LAMA2: variants seen among roughly 807,000 people sequenced by gnomAD.
LAMA2 encodes the protein laminin subunit alpha-2.
LAMA2 carries 269 observed loss-of-function variants against 364.8 expected under a neutral mutation model. The ratio of observed to expected loss-of-function variants is 0.74; its 90% CI spans 0.67 to 0.82. The LOEUF is 0.82. Ranked by LOEUF, LAMA2 falls within the 40% of genes least tolerant of loss-of-function variation. The pLI is 0.00. For synonymous variants in LAMA2, 1,379 were observed against 1,370.6 expected (o/e 1.01, Z -0.14); for missense variants, 3,807 against 3,873.2 (o/e 0.98, Z 0.45).
intron 37 of LAMA2, among the ~76,000 whole-genome samples, chr6:129,400,543 A>G (rs1394751247): frequency 6.6e-6 from 1 of 152,224 alleles, no homozygotes; most frequent in Non-Finnish European, 1.5e-5. Flanking sequence ...AATAGGAATG[A>G]ATCAGAAGTA....
intron 3 of LAMA2, among the ~76,000 whole-genome samples, chr6:129,062,012 T>G (rs1291442312): frequency 6.6e-6 from 1 of 152,208 alleles, no homozygotes; most frequent in Non-Finnish European, 1.5e-5. Flanking sequence ...AGTCAGTTAT[T>G]TAGTGATGTG....
chr6:128,940,244 G>A (rs904956656), intron 1 of LAMA2, among the ~76,000 whole-genome samples: 2 of 151,814 alleles, frequency 1.3e-5, no homozygotes, highest in South Asian at 4.2e-4. Flanking sequence ...TACTTCCTTA[G>A]GGGAATCTCA....
At chr6:128,883,391 T>G (rs2114357928) in intron 1 of LAMA2, 34 bp downstream of exon 1, 4 of 1,559,240 alleles carry the variant, frequency 2.6e-6, no homozygotes, top group Non-Finnish European at 3.5e-6. Context: ...GTTGCATCCT[T>G]TGCCGGGACC....
chr6:129,068,919 A>G (rs932189422), intron 3 of LAMA2, among the ~76,000 whole-genome samples: 2 of 152,200 alleles, frequency 1.3e-5, no homozygotes, highest in South Asian at 4.1e-4. Context: ...AAGGCCATAC[A>G]ATGATGCTGT....
chr6:129,037,354 C>A (rs561915241), intron 1 of LAMA2, among the ~76,000 whole-genome samples: 1 of 152,086 alleles, frequency 6.6e-6, no homozygotes, highest in South Asian at 2.1e-4. Flanking sequence ...AAGGATCAGC[C>A]ATGTATTATT....
intron 29 of LAMA2, among the ~76,000 whole-genome samples, chr6:129,332,786 CT>C (rs1453508626): frequency 5.3e-5 from 8 of 151,380 alleles, no homozygotes; most frequent in Non-Finnish European, 8.8e-5. Context: ...TAAACCTTAA[CT>C]ATTAGAATAG....
At position 129,300,886 on chromosome 6, in the gene LAMA2, T is replaced by G; in HGVS notation, c.3174+14T>G. On this transcript the variant is annotated intron_variant, in intron 22 of 64. Coordinates refer to ENST00000421865, the MANE Select transcript of LAMA2 (RefSeq NM_000426.4). ...ACTGGTTGTAAGGTGAGTGAACCAC[T>G]TTTTTGCTCTGATAATTTTTTGGAG... 1.9e-6 allele frequency: 3 copies of G among 1,613,416 alleles called. No homozygotes were observed. The highest frequency in any genetic ancestry group is 2.5e-6 in the Non-Finnish European group (3 of 1,179,388).
At chr6:129,286,511 A>G (rs1789138826) in intron 18 of LAMA2, among the ~76,000 whole-genome samples, 1 of 134,326 alleles carries the variant, frequency 7.4e-6, no homozygotes, top group Non-Finnish European at 1.5e-5. Context: ...GCCATGCCCT[A>G]TAAACAAACT....
At chr6:129,040,011 T>C (rs6569574) in intron 1 of LAMA2, among the ~76,000 whole-genome samples, 1 of 151,958 alleles carries the variant, frequency 6.6e-6, no homozygotes, top group African/African-American at 2.4e-5. Flanking sequence ...GTTGATGTGT[T>C]TGTGTGGCGG....
chr6:129,190,548 A>G (rs1272502798), intron 11 of LAMA2, among the ~76,000 whole-genome samples: 2 of 152,146 alleles, frequency 1.3e-5, no homozygotes, highest in Non-Finnish European at 2.9e-5. Flanking sequence ...GTAGACTGGA[A>G]TTTCTTAGAA....
intron 37 of LAMA2, among the ~76,000 whole-genome samples, chr6:129,395,785 G>A (rs542260641): frequency 2.0e-5 from 3 of 152,306 alleles, no homozygotes; most frequent in Admixed American, 6.5e-5. Context: ...TAAAGGATAA[G>A]CACTGGGTCA....
chr6:129,473,469 A>G, intron 52 of LAMA2, 117 bp downstream of exon 52: 1 of 964,202 alleles, frequency 1.0e-6, no homozygotes, highest in South Asian at 1.4e-5. Context: ...GGTTGCAGAA[A>G]GGCCTAATCA....
chr6:129,056,848 A>C (rs533713931), intron 2 of LAMA2, among the ~76,000 whole-genome samples: 1 of 151,330 alleles, frequency 6.6e-6, no homozygotes, highest in South Asian at 2.1e-4. Context: ...CTCCTGCCTC[A>C]GCCTCCCAAG....
chr6:129,085,209 A>C (rs948125474), intron 3 of LAMA2, among the ~76,000 whole-genome samples: 6 of 152,344 alleles, frequency 3.9e-5, no homozygotes, highest in African/African-American at 1.4e-4. Flanking sequence ...GGATTTAAGA[A>C]TCAGAATTTC....
intron 55 of LAMA2, among the ~76,000 whole-genome samples, chr6:129,483,067 GA>G (rs60077511): frequency 1.1e-3 from 116 of 102,830 alleles, no homozygotes; most frequent in Non-Finnish European, 1.6e-3. Context: ...ACTCCGACTC[GA>G]AAAAAAAAAA....
intron 10 of LAMA2, among the ~76,000 whole-genome samples, chr6:129,187,890 AAAAT>A (rs1781318893): frequency 6.6e-6 from 1 of 151,838 alleles, no homozygotes; most frequent in South Asian, 2.1e-4. Context: ...TTTGTCTTGA[AAAAT>A]AAATAATGAA....
chr6:129,478,675 C>A lies in LAMA2; in HGVS notation c.7452-18C>A, dbSNP rs946987178. 3 of 1,613,116 alleles carry A rather than the reference C, an allele frequency of 1.9e-6. No homozygotes were observed. The Admixed American group carries it at 5.0e-5, about 27-fold the overall frequency. ...CCCTAATGATATTGCTTTTGCTTTT[C>A]ATTTGACTATTCAATAGGCCAGAAG... On this transcript the variant is annotated intron_variant, in intron 53 of 64. Coordinates refer to ENST00000421865, the MANE Select transcript of LAMA2 (RefSeq NM_000426.4).
intron 17 of LAMA2, among the ~76,000 whole-genome samples, chr6:129,271,075 C>CAGACACATA (rs1196068090): frequency 1.3e-5 from 2 of 152,094 alleles, no homozygotes; most frequent in Non-Finnish European, 2.9e-5. Flanking sequence ...CACCTACACA[C>CAGACACATA]AGACACATAC....
chr6:129,027,767 A>T (rs1785933696), intron 1 of LAMA2, among the ~76,000 whole-genome samples: 1 of 151,956 alleles, frequency 6.6e-6, no homozygotes, highest in Non-Finnish European at 1.5e-5. Context: ...GGGAAGTGAG[A>T]TGCTGTGTTC....
Sources: allele counts gnomAD v4.1 joint callset (sites outside exome capture counted in the v4.1 genomes callset), GRCh38; gene constraint gnomAD v4.1.1; transcripts MANE v1.5; gene names NCBI Gene and HGNC (gene_info 2026-07-23, HGNC 2026-07-21).